NOL4: variants seen among roughly 807,000 people sequenced by gnomAD.
The protein encoded by NOL4 is nucleolar protein 4.
In NOL4, 17 loss-of-function variants were observed where a neutral mutation model predicts 75.9. The observed-to-expected ratio is 0.22, with a 90% CI of 0.15 to 0.34. NOL4 has a LOEUF of 0.34. NOL4 is among the 10% of genes least tolerant of loss of function. The pLI is 1.00. For missense variants in NOL4, 614 were observed against 793.5 expected (o/e 0.77, Z 2.72); for synonymous variants, 292 against 289.9 (o/e 1.01, Z -0.07).
intron 5 of NOL4, chr18:34,023,726 C>T (rs1012986268): frequency 4.3e-5 from 11 of 255,044 alleles, no homozygotes; most frequent in South Asian, 1.3e-4. Context: ...GGCAGTTGGA[C>T]GTCGGGAGTT....
In NOL4 at chr18:34,223,797, G is replaced by C. The variant is rs2037473434; in HGVS notation, c.-544C>G. 1 of 154,992 alleles carries C rather than the reference G, an allele frequency of 6.5e-6. No individual in the cohort carries two copies. The highest frequency in any genetic ancestry group is 6.4e-5 in the Admixed American group (1 of 15,562). The allele number at this position is 154,992 out of a possible 1,614,324, so 9.6% of individuals were successfully genotyped here. A position where few individuals can be genotyped will look rare whatever the true frequency, so the allele number is the denominator to read the frequency against. On this transcript the variant is annotated 5_prime_UTR_variant, in exon 1 of 11. Coordinates refer to ENST00000261592, the MANE Select transcript of NOL4 (RefSeq NM_003787.5). ...TCCCGAAAGCAGCCGCCCGCCCAGCGCCTTTGAGCCCCGAAGGGCACACGG... is the reference window on the plus strand; with the variant it reads ...TCCCGAAAGCAGCCGCCCGCCCAGCCCCTTTGAGCCCCGAAGGGCACACGG...
chr18:34,189,545 T>C (rs1439137928), intron 1 of NOL4, among the ~76,000 whole-genome samples: 1 of 152,150 alleles, frequency 6.6e-6, no homozygotes, highest in Non-Finnish European at 1.5e-5. Context: ...GAACAAGAAA[T>C]GTATTAGTGA....
chr18:34,158,980 C>T (rs2030953089), intron 1 of NOL4, among the ~76,000 whole-genome samples: 1 of 152,218 alleles, frequency 6.6e-6, no homozygotes, highest in East Asian at 1.9e-4. Flanking sequence ...CGTCTGCCCT[C>T]TCACTTCCTG....
At chr18:34,150,982 T>C (rs568911335) in intron 1 of NOL4, among the ~76,000 whole-genome samples, 1 of 151,762 alleles carries the variant, frequency 6.6e-6, no homozygotes, top group Non-Finnish European at 1.5e-5. Flanking sequence ...CGACATCACA[T>C]GCCACTCAGA....
intron 10 of NOL4, among the ~76,000 whole-genome samples, chr18:33,875,360 T>C (rs1422313676): frequency 6.6e-6 from 1 of 152,034 alleles, no homozygotes; most frequent in African/African-American, 2.4e-5. Flanking sequence ...TGCTGTCATT[T>C]TGATAATTCT....
At chr18:34,209,194 C>CAAAAA (rs777403436) in intron 1 of NOL4, among the ~76,000 whole-genome samples, 2 of 56,440 alleles carry the variant, frequency 3.5e-5, no homozygotes, top group Admixed American at 1.9e-4. Flanking sequence ...ACTCTGTCTC[C>CAAAAA]AAAAAAAAAA....
At chr18:34,006,441 A>G (rs1353143448) in intron 6 of NOL4, among the ~76,000 whole-genome samples, 3 of 152,008 alleles carry the variant, frequency 2.0e-5, no homozygotes, top group Non-Finnish European at 2.9e-5. Flanking sequence ...TGAGTACCCA[A>G]TCTACTAGCA....
At chr18:34,166,200 T>A (rs2032310419) in intron 1 of NOL4, among the ~76,000 whole-genome samples, 1 of 152,158 alleles carries the variant, frequency 6.6e-6, no homozygotes, top group Admixed American at 6.5e-5. Flanking sequence ...AGTTTTTATC[T>A]ACTGATGTTT....
intron 5 of NOL4, among the ~76,000 whole-genome samples, chr18:34,078,999 T>C (rs1418215256): frequency 6.6e-6 from 1 of 152,172 alleles, no homozygotes; most frequent in Non-Finnish European, 1.5e-5. Context: ...AAGACATTTT[T>C]TCTTTTTAAT....
At chr18:33,964,224 C>T (rs138526111) in intron 6 of NOL4, among the ~76,000 whole-genome samples, 1 of 152,208 alleles carries the variant, frequency 6.6e-6, no homozygotes, top group African/African-American at 2.4e-5. Context: ...GAGTGAGTGA[C>T]TGATTACACT....
chr18:33,861,956 C>T (rs142429341), intron 10 of NOL4, among the ~76,000 whole-genome samples: 22,929 of 151,944 alleles, frequency 0.15, 1,855 homozygotes, highest in Non-Finnish European at 0.18. Flanking sequence ...GAGCCCACAT[C>T]GCCAAGTCAA....
chr18:33,892,874 G>A (rs1017588948), intron 9 of NOL4, among the ~76,000 whole-genome samples: 8 of 151,920 alleles, frequency 5.3e-5, no homozygotes, highest in African/African-American at 1.9e-4. Context: ...TGTTGCCCCG[G>A]TTGGTCTCGA....
chr18:33,907,494 T>C (rs909442332), intron 9 of NOL4, among the ~76,000 whole-genome samples: 3 of 152,162 alleles, frequency 2.0e-5, no homozygotes, highest in Non-Finnish European at 4.4e-5. Context: ...CTAAGGATAA[T>C]ATTTATGTTA....
rs532755217 is a variant in NOL4 at position 34,019,403 on chromosome 18, T to C, written c.971A>G (p.His324Arg). 1.2e-6 allele frequency: 2 copies of C among 1,614,014 alleles called. No individual in the cohort carries two copies. The highest frequency in any genetic ancestry group is 2.2e-5 in the East Asian group (1 of 44,840). Residue 324 changes from histidine (H) to arginine (R), a missense_variant, in exon 6 of 11, where the codon CAC (histidine) becomes CGC (arginine). This residue lies in a region of NOL4 where 196 missense variants were observed against 167.9 expected (regional missense o/e 1.17). Transcript: ENST00000261592. ...ATACTTGTTTTTCCCATTACTGTTG[T>C]GATCATCTATTCTGTATTCCGAAGT... ...QLTSEYRIDD[H>R]NSNGKNKYKN...
At chr18:34,086,663 T>C (rs2078257937) in intron 5 of NOL4, among the ~76,000 whole-genome samples, 3 of 152,120 alleles carry the variant, frequency 2.0e-5, no homozygotes, top group African/African-American at 7.2e-5. Context: ...CCAAATTAAA[T>C]TCAATTTTAG....
rs1352108279 is a variant in NOL4 at position 33,959,864 on chromosome 18, G to A, written c.1057-1446C>T. ...GAATGAGATTATATAACTACTGTGT[G>A]AACCTAGGTCTGCCTAAGAGCTAAG... On this transcript the variant is annotated intron_variant, in intron 6 of 10. Transcript: ENST00000261592. Among the ~76,000 whole-genome samples, 5 of 151,938 alleles carry A rather than the reference G, an allele frequency of 3.3e-5. No homozygotes were observed. The East Asian group carries it at 9.7e-4, about 29-fold the overall frequency.
intron 9 of NOL4, among the ~76,000 whole-genome samples, chr18:33,906,590 T>C (rs961956344): frequency 6.6e-6 from 1 of 152,216 alleles, no homozygotes; most frequent in Non-Finnish European, 1.5e-5. Context: ...TCATAATTAA[T>C]GGGTGTTGTA....
intron 9 of NOL4, among the ~76,000 whole-genome samples, chr18:33,894,211 A>T (rs907132344): frequency 2.0e-5 from 3 of 152,118 alleles, no homozygotes; most frequent in African/African-American, 7.2e-5. Flanking sequence ...AAATTCTGCG[A>T]GATCCAGTGC....
intron 1 of NOL4, among the ~76,000 whole-genome samples, chr18:34,150,645 G>A (rs1381530342): frequency 6.6e-6 from 1 of 151,594 alleles, no homozygotes. Flanking sequence ...TGTCCTAGAA[G>A]ATAAAATAAG....
Sources: allele counts gnomAD v4.1 joint callset (sites outside exome capture counted in the v4.1 genomes callset), GRCh38; gene constraint gnomAD v4.1.1; regional missense constraint gnomAD v4.1.1; transcripts MANE v1.5; gene names NCBI Gene and HGNC (gene_info 2026-07-23, HGNC 2026-07-21).